Variants in EHBP1 observed in about 807,000 individuals in gnomAD.
The protein encoded by EHBP1 is EH domain-binding protein 1.
A neutral mutation model predicts 144.0 loss-of-function variants in EHBP1; 55 were observed. The ratio of observed to expected loss-of-function variants is 0.38; its 90% CI spans 0.31 to 0.48. The LOEUF (loss-of-function observed/expected upper bound fraction) is 0.48, where lower values mean the gene tolerates loss of function less well. Ranked by LOEUF, EHBP1 falls within the 20% of genes least tolerant of loss-of-function variation. EHBP1 has a pLI of 0.98. For missense variants in EHBP1, 1,200 were observed against 1,364.2 expected (o/e 0.88, Z 1.90); for synonymous variants, 469 against 472.7 (o/e 0.99, Z 0.10).
intron 7 of EHBP1, among the ~76,000 whole-genome samples, chr2:62,840,626 C>A (rs1187939091): frequency 6.6e-6 from 1 of 151,868 alleles, no homozygotes; most frequent in East Asian, 1.9e-4. Context: ...CTACAGTGAA[C>A]ACAAACAAAT....
intron 19 of EHBP1, among the ~76,000 whole-genome samples, chr2:63,033,429 C>G (rs2061339668): frequency 1.3e-5 from 2 of 152,094 alleles, no homozygotes; most frequent in Admixed American, 1.3e-4. Flanking sequence ...GGTAGAAAAT[C>G]TTGAATTTGT....
intron 3 of EHBP1, among the ~76,000 whole-genome samples, chr2:62,751,392 T>G (rs1444943847): frequency 2.0e-5 from 3 of 152,192 alleles, no homozygotes; most frequent in Non-Finnish European, 2.9e-5. Context: ...TTGCCAGTAT[T>G]TTATTGAGGA....
intron 10 of EHBP1, among the ~76,000 whole-genome samples, chr2:62,882,810 A>G (rs1359931221): frequency 6.6e-6 from 1 of 151,832 alleles, no homozygotes; most frequent in Non-Finnish European, 1.5e-5. Context: ...TGAACCCAGG[A>G]GGCAGAGTTT....
chr2:62,958,217 T>C (rs2057815279), intron 14 of EHBP1, among the ~76,000 whole-genome samples: 1 of 152,162 alleles, frequency 6.6e-6, no homozygotes, highest in South Asian at 2.1e-4. Flanking sequence ...TTAAGGTATA[T>C]AACCAAAAAA....
intron 5 of EHBP1, among the ~76,000 whole-genome samples, chr2:62,819,038 A>T (rs1426791035): frequency 6.6e-6 from 1 of 152,146 alleles, no homozygotes; most frequent in Non-Finnish European, 1.5e-5. Flanking sequence ...GGCTAATGTA[A>T]CCAGGGAGCA....
chr2:62,839,840 G>C (rs1378449326), intron 7 of EHBP1, among the ~76,000 whole-genome samples: 1 of 152,032 alleles, frequency 6.6e-6, no homozygotes, highest in African/African-American at 2.4e-5. Flanking sequence ...AATAAAAGAG[G>C]ATACAAACAA....
At chr2:62,996,825 A>G in intron 19 of EHBP1, 59 bp downstream of exon 19, 2 of 1,583,226 alleles carry the variant, frequency 1.3e-6, no homozygotes, top group Non-Finnish European at 1.7e-6. Flanking sequence ...ACAAACTCTT[A>G]TAGAGTTTTG....
chr2:62,758,796 A>G (rs2040518981), intron 3 of EHBP1, among the ~76,000 whole-genome samples: 1 of 152,156 alleles, frequency 6.6e-6, no homozygotes, highest in South Asian at 2.1e-4. Context: ...ATGTGCTACC[A>G]TTTCAAGAAG....
intron 7 of EHBP1, among the ~76,000 whole-genome samples, chr2:62,840,676 G>A (rs1361047442): frequency 6.0e-5 from 9 of 151,172 alleles, no homozygotes; most frequent in Non-Finnish European, 1.0e-4. Context: ...AAAAGTGGGC[G>A]AAGGACATGA....
chr2:62,970,953 C>T (rs571501659), intron 14 of EHBP1, among the ~76,000 whole-genome samples: 2 of 152,132 alleles, frequency 1.3e-5, no homozygotes, highest in African/African-American at 4.8e-5. Flanking sequence ...GCCTAGATGT[C>T]GGTGAACTGT....
chr2:62,694,618 A>T (rs1347071946), intron 1 of EHBP1, among the ~76,000 whole-genome samples: 1 of 152,144 alleles, frequency 6.6e-6, no homozygotes, highest in African/African-American at 2.4e-5. Context: ...AAGGGTAGAC[A>T]TTTAAAAAAA....
At chr2:62,806,586 C>T in intron 5 of EHBP1, among the ~76,000 whole-genome samples, 1 of 152,068 alleles carries the variant, frequency 6.6e-6, no homozygotes, top group Admixed American at 6.6e-5. Context: ...TGATCTTGAA[C>T]TCCTGGGTTC....
At chr2:63,029,139 C>T (rs191808507) in intron 19 of EHBP1, among the ~76,000 whole-genome samples, 134 of 151,950 alleles carry the variant, frequency 8.8e-4, no homozygotes, top group African/African-American at 3.1e-3. Context: ...AACCCACTGT[C>T]AATAACTAGA....
chr2:62,945,185 A>T (rs573094980), intron 12 of EHBP1, among the ~76,000 whole-genome samples: 1 of 152,232 alleles, frequency 6.6e-6, no homozygotes, highest in Non-Finnish European at 1.5e-5. Flanking sequence ...AACTTCTTCA[A>T]AATAATTAGT....
At chr2:62,842,019 T>C (rs1360989025) in intron 7 of EHBP1, among the ~76,000 whole-genome samples, 2 of 152,118 alleles carry the variant, frequency 1.3e-5, no homozygotes, top group African/African-American at 4.8e-5. Context: ...AATGGTGCCC[T>C]GTATGTGTCT....
At chr2:62,729,514 A>AGTATAATAT (rs368926284) in intron 2 of EHBP1, among the ~76,000 whole-genome samples, 1 of 113,846 alleles carries the variant, frequency 8.8e-6, no homozygotes, top group Non-Finnish European at 1.7e-5. Context: ...AAATATAATA[A>AGTATAATAT]AATAAATAAA....
chr2:62,688,655 T>C (rs923819011), intron 1 of EHBP1, among the ~76,000 whole-genome samples: 13 of 152,202 alleles, frequency 8.5e-5, no homozygotes, highest in African/African-American at 2.7e-4. Flanking sequence ...CTCTAGTATC[T>C]TCTGTTCTAC....
chr2:62,921,690 T>G (rs760623666), intron 10 of EHBP1, among the ~76,000 whole-genome samples: 2 of 152,192 alleles, frequency 1.3e-5, no homozygotes, highest in Non-Finnish European at 2.9e-5. Context: ...CTCGACAATG[T>G]AGGGATTAGG....
At chr2:62,731,417 G>T (rs1344531419) in intron 2 of EHBP1, among the ~76,000 whole-genome samples, 1 of 151,934 alleles carries the variant, frequency 6.6e-6, no homozygotes, top group Non-Finnish European at 1.5e-5. Flanking sequence ...TTGTCTTATT[G>T]CATTAGCTAG....
Sources: allele counts gnomAD v4.1 joint callset (sites outside exome capture counted in the v4.1 genomes callset), GRCh38; gene constraint gnomAD v4.1.1; transcripts MANE v1.5; gene names NCBI Gene and HGNC (gene_info 2026-07-23, HGNC 2026-07-21).